The following CACNA2D2 variants were observed in gnomAD, a reference collection of about 807,000 sequenced individuals.
The protein encoded by CACNA2D2 is voltage-dependent calcium channel subunit alpha-2/delta-2.
Under a neutral mutation model 166.4 loss-of-function variants are expected in CACNA2D2, and 48 were observed. The observed-to-expected ratio is 0.29, with a 90% CI of 0.23 to 0.37. The LOEUF is 0.37. Ranked by LOEUF, CACNA2D2 falls within the 10% of genes least tolerant of loss-of-function variation. CACNA2D2 has a pLI of 1.00. For missense variants in CACNA2D2, 1,122 were observed against 1,433.0 expected, an observed-to-expected ratio of 0.78 and a Z score of 3.50; for synonymous variants, 561 against 573.7, an observed-to-expected ratio of 0.98 and a Z score of 0.32.
At chr3:50,378,419 A>G in intron 13 of CACNA2D2, 86 bp from the exon 14 acceptor site, 1 of 1,355,736 alleles carries the variant, frequency 7.4e-7, no homozygotes. Context: ...GTGTGTCTGC[A>G]GCCCTGCCTC....
At chr3:50,397,526 T>G (rs1438545256) in intron 3 of CACNA2D2, among the ~76,000 whole-genome samples, 1 of 152,124 alleles carries the variant, frequency 6.6e-6, no homozygotes, top group South Asian at 2.1e-4. Flanking sequence ...CCCCGAGTCC[T>G]GGCCTGGGTT....
At chr3:50,478,650 T>C (rs191978673) in intron 1 of CACNA2D2, among the ~76,000 whole-genome samples, 4 of 152,326 alleles carry the variant, frequency 2.6e-5, no homozygotes, top group East Asian at 3.9e-4. Flanking sequence ...AACTGAGGCA[T>C]AGTGGGTTCA....
At chr3:50,440,329 T>C (rs1411713540) in intron 2 of CACNA2D2, among the ~76,000 whole-genome samples, 1 of 152,252 alleles carries the variant, frequency 6.6e-6, no homozygotes, top group Non-Finnish European at 1.5e-5. Context: ...GCAGGGGGGC[T>C]GCGTGCCACT....
chr3:50,372,780 G>A (rs1001564852), intron 22 of CACNA2D2, among the ~76,000 whole-genome samples: 2 of 152,172 alleles, frequency 1.3e-5, no homozygotes, highest in South Asian at 2.1e-4. Context: ...AGGTGGGGGA[G>A]GCAGGGGCCT....
intron 1 of CACNA2D2, among the ~76,000 whole-genome samples, chr3:50,481,461 G>A (rs927654353): frequency 1.3e-4 from 20 of 152,214 alleles, no homozygotes; most frequent in Admixed American, 1.0e-3. Flanking sequence ...CAGCCGCTGC[G>A]CTTCGTGAGG....
chr3:50,433,428 T>C (rs1708163318), intron 3 of CACNA2D2, among the ~76,000 whole-genome samples: 1 of 152,162 alleles, frequency 6.6e-6, no homozygotes, highest in Admixed American at 6.5e-5. Context: ...GGCATGATCA[T>C]GGCCCACTGC....
chr3:50,377,235 T>C (rs1345139849), intron 17 of CACNA2D2, among the ~76,000 whole-genome samples: 1 of 152,208 alleles, frequency 6.6e-6, no homozygotes. Context: ...GAGTAAGAGA[T>C]GGGTATGTAG....
At chr3:50,421,880 T>C (rs930438713) in intron 3 of CACNA2D2, among the ~76,000 whole-genome samples, 1 of 152,084 alleles carries the variant, frequency 6.6e-6, no homozygotes, top group Non-Finnish European at 1.5e-5. Flanking sequence ...TGCTCACTGA[T>C]GCACCCCACC....
chr3:50,381,328 T>C (rs1705305166), intron 6 of CACNA2D2, among the ~76,000 whole-genome samples: 1 of 151,932 alleles, frequency 6.6e-6, no homozygotes. Context: ...CCTCCCAAGC[T>C]GTGAAAGGAA....
In CACNA2D2 at chr3:50,365,745, ACTT is replaced by A. The variant is rs1299509770; in HGVS notation, c.2916-60_2916-58del. ...TCAGCAGAGGACGATGCCATGCCCT[ACTT>A]CTCTTCTGAGCCCTCCCGGCCAGGG... On this transcript the variant is annotated intron_variant, in intron 33 of 37. Transcript: ENST00000424201. This position sits in a 1 kb window ranked among gnomAD's most constrained non-coding sequence, Gnocchi z 4.5. 9.3e-6 allele frequency: 15 copies of A among 1,607,828 alleles called. No homozygotes were observed. Among genetic ancestry groups the A allele is most frequent in the Non-Finnish European group, 1.2e-5 (14 of 1,177,386 alleles).
intron 3 of CACNA2D2, among the ~76,000 whole-genome samples, chr3:50,432,584 G>A (rs1417740611): frequency 6.6e-6 from 1 of 152,220 alleles, no homozygotes; most frequent in African/African-American, 2.4e-5. Context: ...GTGAGAAGGT[G>A]GGGCGCGATG....
intron 2 of CACNA2D2, among the ~76,000 whole-genome samples, chr3:50,436,238 C>T (rs1321810428): frequency 6.6e-6 from 1 of 152,196 alleles, no homozygotes; most frequent in Non-Finnish European, 1.5e-5. Context: ...TGCCCCGACC[C>T]ATTTGCACCA....
rs1404688618 is a variant in CACNA2D2, at chr3:50,366,002, G to C, written c.2862+9C>G. The C allele has an allele frequency of 6.2e-7, 1 of 1,611,804 alleles. No individual in the cohort carries two copies. ...CCCATCTCCAGTCCAGGCATCTCTG[G>C]GGACTCACCACAAAGACACCCCGGG... On this transcript the variant is annotated intron_variant, in intron 32 of 37. Transcript: ENST00000424201. The surrounding 1 kb of genome is among the most constrained non-coding windows in gnomAD (Gnocchi z 5.9).
chr3:50,432,047 G>C (rs1450154335), intron 3 of CACNA2D2, among the ~76,000 whole-genome samples: 1 of 151,824 alleles, frequency 6.6e-6, no homozygotes, highest in Non-Finnish European at 1.5e-5. Flanking sequence ...GACTGTCCCA[G>C]GCCATGGCTG....
Position 50,376,336 on chromosome 3 carries a change from T to A in CACNA2D2, c.1627-148A>T. 1 of 824,376 alleles carries A rather than the reference T, an allele frequency of 1.2e-6. No individual in the cohort carries two copies. The highest frequency in any genetic ancestry group is 1.9e-6 in the Non-Finnish European group (1 of 528,150). 51.1% of individuals were successfully genotyped at this position (824,376 alleles called of 1,614,324 possible). ...AGGGCCCCCCCATGCCACGTGGCCC[T>A]AAGCCTGTCTCTCCAGCCAGGCCCG... On this transcript the variant is annotated intron_variant, in intron 17 of 37. Coordinates refer to ENST00000424201, the MANE Select transcript of CACNA2D2 (RefSeq NM_006030.4). The surrounding 1 kb of genome is among the most constrained non-coding windows in gnomAD (Gnocchi z 4.3).
At chr3:50,400,723 G>A (rs547196797) in intron 3 of CACNA2D2, among the ~76,000 whole-genome samples, 1 of 152,354 alleles carries the variant, frequency 6.6e-6, no homozygotes, top group South Asian at 2.1e-4. Context: ...GGACAGGACG[G>A]GCACCCAGCC....
At chr3:50,409,463 C>T (rs1483893775) in intron 3 of CACNA2D2, among the ~76,000 whole-genome samples, 1 of 152,366 alleles carries the variant, frequency 6.6e-6, no homozygotes, top group African/African-American at 2.4e-5. Flanking sequence ...GCAAGGAATT[C>T]CTGCACCTGC....
At position 50,397,220 on chromosome 3, in the gene CACNA2D2, G is replaced by A. The variant is rs59389370; in HGVS notation, c.406-3052C>T. On this transcript the variant is annotated intron_variant, in intron 3 of 37. Coordinates refer to ENST00000424201, the MANE Select transcript of CACNA2D2 (RefSeq NM_006030.4). ...GTCAGCCCACTGACTCGTGAATAAC[G>A]GAGTCGTAATAGCCACAGCAAAAGG... 1.9e-4 allele frequency among the ~76,000 whole-genome samples: 29 copies of A among 152,328 alleles called. No homozygotes were observed. The East Asian group carries it at 4.4e-3, about 23-fold the overall frequency.
intron 1 of CACNA2D2, among the ~76,000 whole-genome samples, chr3:50,489,000 T>C (rs904992983): frequency 2.0e-5 from 3 of 152,178 alleles, no homozygotes; most frequent in African/African-American, 7.2e-5. Context: ...GCGCACGTCC[T>C]TCCTGGTGTT....
Sources: allele counts gnomAD v4.1 joint callset (sites outside exome capture counted in the v4.1 genomes callset), GRCh38; gene constraint gnomAD v4.1.1; non-coding constraint Gnocchi (gnomAD v3.1); transcripts MANE v1.5; gene names NCBI Gene and HGNC (gene_info 2026-07-23, HGNC 2026-07-21).